The following HOMER2 variants were observed in gnomAD, a reference collection of about 807,000 sequenced individuals.
HOMER2 encodes homer scaffold protein 2.
In HOMER2, 27 loss-of-function variants were observed where a neutral mutation model predicts 47.0. The observed-to-expected ratio is 0.57, with a 90% CI of 0.42 to 0.79. The LOEUF (loss-of-function observed/expected upper bound fraction) is 0.79. Among genes scored for constraint, HOMER2 ranks in the 30% least tolerant of loss-of-function variants. The probability of loss-of-function intolerance (pLI) is 0.00; values close to 1 mark genes in which losing one functional copy is unlikely to be tolerated. For synonymous variants in HOMER2, 161 were observed against 163.8 expected, an observed-to-expected ratio of 0.98 and a Z score of 0.13; for missense variants, 443 against 435.0, an observed-to-expected ratio of 1.02 and a Z score of -0.16.
At chr15:82,877,066 G>A (rs186937838) in intron 2 of HOMER2, among the ~76,000 whole-genome samples, 17 of 152,326 alleles carry the variant, frequency 1.1e-4, no homozygotes, top group Admixed American at 9.8e-4. Context: ...CACTTATTGA[G>A]TGCCTCATTT....
At chr15:82,841,379 A>C (rs1017052630) in exon 2 of HOMER2, 8 of 152,226 alleles carry the variant, frequency 5.3e-5, no homozygotes, top group African/African-American at 1.9e-4. Flanking sequence ...GAAAAAAGCC[A>C]TTTAATAAAA....
At chr15:82,984,879 G>T (rs2030537092) in intron 1 of HOMER2, among the ~76,000 whole-genome samples, 1 of 152,158 alleles carries the variant, frequency 6.6e-6, no homozygotes, top group African/African-American at 2.4e-5. Flanking sequence ...ATGTAGAAAT[G>T]CATTAGATAA....
rs1159000566 is a variant in HOMER2 at position 82,913,856 on chromosome 15, G to A, written c.6-21015C>T. Among the ~76,000 whole-genome samples the A allele has an allele frequency of 3.3e-5, 5 of 152,108 alleles. No homozygotes were observed. The highest frequency in any genetic ancestry group is 3.9e-4 in the East Asian group (2 of 5,182). On this transcript the variant is annotated intron_variant, in intron 1 of 8. Coordinates refer to ENST00000450735, the MANE Select transcript of HOMER2 (RefSeq NM_004839.4). This position sits in a 1 kb window ranked among gnomAD's most constrained non-coding sequence, Gnocchi z 4.1. Reference sequence around the variant, plus strand: ...AAAAAGTTAAATACAGCATTTCCACGTGGCCCTGCAATTCTTCTAGGTATA... The same window carrying A: ...AAAAAGTTAAATACAGCATTTCCACATGGCCCTGCAATTCTTCTAGGTATA...
intron 3 of HOMER2, among the ~76,000 whole-genome samples, chr15:82,864,614 G>GAAAAAA (rs2051903667): frequency 6.6e-6 from 1 of 152,108 alleles, no homozygotes; most frequent in Non-Finnish European, 1.5e-5. Context: ...TTTTTTTCTA[G>GAAAAAA]ATGAATACTA....
chr15:82,962,088 A>G (rs1311621880), intron 1 of HOMER2, among the ~76,000 whole-genome samples: 1 of 151,482 alleles, frequency 6.6e-6, no homozygotes, highest in East Asian at 2.0e-4. Context: ...AAAAATGTCC[A>G]GGCCGGGTGC....
At chr15:82,986,117 A>G (rs943864684), upstream of HOMER2, 2 of 984,440 alleles carry the variant, frequency 2.0e-6, no homozygotes, top group Non-Finnish European at 2.4e-6. Context: ...CATTTGAAGA[A>G]GCGATCTGTT....
At chr15:82,981,954 C>T (rs911955440) in intron 1 of HOMER2, among the ~76,000 whole-genome samples, 3 of 152,142 alleles carry the variant, frequency 2.0e-5, no homozygotes, top group African/African-American at 7.2e-5. Flanking sequence ...TGTGAATGTA[C>T]TTACTGTCAA....
upstream of HOMER2, among the ~76,000 whole-genome samples, chr15:82,955,951 G>A (rs976825324): frequency 6.6e-6 from 1 of 152,104 alleles, no homozygotes; most frequent in African/African-American, 2.4e-5. Flanking sequence ...TTAAAAAGAG[G>A]CCTGATGGCT....
chr15:82,860,328 T>C (rs1347227480), intron 4 of HOMER2, among the ~76,000 whole-genome samples: 1 of 152,166 alleles, frequency 6.6e-6, no homozygotes, highest in African/African-American at 2.4e-5. Context: ...CTGAAATATT[T>C]ACGGATGAAA....
upstream of HOMER2, among the ~76,000 whole-genome samples, chr15:82,954,062 G>A (rs1190833243): frequency 6.6e-6 from 1 of 151,996 alleles, no homozygotes; most frequent in Admixed American, 6.6e-5. Flanking sequence ...GGTGAAAAGA[G>A]CCAGACTGTC....
At chr15:82,902,994 T>C (rs568027365) in intron 1 of HOMER2, among the ~76,000 whole-genome samples, 1 of 152,348 alleles carries the variant, frequency 6.6e-6, no homozygotes, top group Admixed American at 6.5e-5. Context: ...TTATGATCGG[T>C]TGATCTTCCA....
chr15:82,877,589 T>C (rs1424952076), intron 2 of HOMER2, among the ~76,000 whole-genome samples: 2 of 152,222 alleles, frequency 1.3e-5, no homozygotes, highest in East Asian at 1.9e-4. Flanking sequence ...AACTTCCATA[T>C]CATGTTGCTT....
intron 6 of HOMER2, 69 bp downstream of exon 6, chr15:82,854,575 T>C: frequency 6.7e-7 from 1 of 1,494,230 alleles, no homozygotes; most frequent in South Asian, 1.3e-5. Context: ...GAAAAAGGGT[T>C]GTGGGTGCCC....
At chr15:82,864,944 T>C (rs1439774574) in intron 3 of HOMER2, among the ~76,000 whole-genome samples, 1 of 152,260 alleles carries the variant, frequency 6.6e-6, no homozygotes, top group Admixed American at 6.5e-5. Context: ...GAGCTAAATA[T>C]GGTTGCAGAC....
chr15:82,948,732 T>G (rs184782628), intron 1 of HOMER2, among the ~76,000 whole-genome samples: 1 of 152,224 alleles, frequency 6.6e-6, no homozygotes, highest in East Asian at 1.9e-4. Context: ...GGATCTCAGG[T>G]AAGGCAAGAA....
At chr15:82,959,297 T>G (rs749622722) in exon 2 of HOMER2, 4 of 152,450 alleles carry the variant, frequency 2.6e-5, no homozygotes, top group African/African-American at 7.2e-5. Flanking sequence ...GGTGTAGGAC[T>G]GGGGCGGACA....
At chr15:82,911,999 C>G (rs2053467072) in intron 1 of HOMER2, among the ~76,000 whole-genome samples, 1 of 152,164 alleles carries the variant, frequency 6.6e-6, no homozygotes, top group East Asian at 1.9e-4. Flanking sequence ...CACTGCACTC[C>G]AGCCTGGGCA....
intron 3 of HOMER2, among the ~76,000 whole-genome samples, chr15:82,871,560 C>T (rs1312170356): frequency 6.6e-6 from 1 of 152,132 alleles, no homozygotes; most frequent in Admixed American, 6.5e-5. Context: ...CTTCAGAGAG[C>T]AGGGGAAGAA....
At chr15:82,868,862 T>C (rs915621449) in intron 3 of HOMER2, among the ~76,000 whole-genome samples, 3 of 151,688 alleles carry the variant, frequency 2.0e-5, no homozygotes, top group Non-Finnish European at 4.4e-5. Context: ...TATATATATA[T>C]ATATATTTAG....
Sources: gnomAD v4.1 joint callset for allele counts (sites outside exome capture counted in the v4.1 genomes callset) on GRCh38, gnomAD v4.1.1 for gene constraint, Gnocchi (gnomAD v3.1) non-coding constraint, MANE v1.5 for transcripts, NCBI Gene and HGNC (gene_info 2026-07-23, HGNC 2026-07-21) for gene names.